Variants in CHST9 observed in about 807,000 individuals in gnomAD.
The protein encoded by CHST9 is GalNAc-4-sulfotransferase 2.
In CHST9, 41 loss-of-function variants were observed where a neutral mutation model predicts 44.4. That is an observed-to-expected ratio of 0.92 (90% CI 0.72 to 1.20). The LOEUF is 1.20. Ranked by LOEUF, CHST9 falls within the 50% of genes most tolerant of loss-of-function variation. CHST9 has a pLI of 0.00. For synonymous variants in CHST9, 171 were observed against 178.4 expected (o/e 0.96, Z 0.33); for missense variants, 504 against 516.5 (o/e 0.98, Z 0.23).
chr18:26,948,109 A>C (rs1480310425), intron 4 of CHST9, among the ~76,000 whole-genome samples: 1 of 152,176 alleles, frequency 6.6e-6, no homozygotes, highest in Non-Finnish European at 1.5e-5. Context: ...GACATGGATG[A>C]AGCTGGAAAC....
At chr18:27,049,078 T>C (rs1168279614) in intron 2 of CHST9, among the ~76,000 whole-genome samples, 2 of 152,048 alleles carry the variant, frequency 1.3e-5, no homozygotes, top group African/African-American at 4.8e-5. Flanking sequence ...ATGGGCTAAA[T>C]GGACAGGGTA....
At chr18:27,143,494 C>T (rs1252317919) in intron 1 of CHST9, among the ~76,000 whole-genome samples, 1 of 152,030 alleles carries the variant, frequency 6.6e-6, no homozygotes, top group African/African-American at 2.4e-5. Context: ...CCTCAGATTA[C>T]AGAAATCTAC....
At chr18:27,130,879 A>G (rs748041164) in intron 2 of CHST9, among the ~76,000 whole-genome samples, 3 of 152,210 alleles carry the variant, frequency 2.0e-5, no homozygotes, top group Non-Finnish European at 4.4e-5. Flanking sequence ...CTTTCACATA[A>G]GGCTACAAAT....
intron 4 of CHST9, among the ~76,000 whole-genome samples, chr18:27,021,321 CACTT>C (rs2057223362): frequency 6.6e-6 from 1 of 152,260 alleles, no homozygotes; most frequent in Non-Finnish European, 1.5e-5. Context: ...ACAAGCCACT[CACTT>C]ACTTGACAAC....
intron 1 of CHST9, 107 bp from the exon 2 acceptor site, chr18:27,143,012 A>G (rs2058581016): frequency 2.4e-6 from 1 of 409,494 alleles, no homozygotes; most frequent in Non-Finnish European, 4.3e-6. Context: ...TAATGTGCAC[A>G]CTAATGCTCT....
At chr18:26,923,377 T>C (rs1327521719) in intron 5 of CHST9, among the ~76,000 whole-genome samples, 2 of 152,236 alleles carry the variant, frequency 1.3e-5, no homozygotes, top group African/African-American at 4.8e-5. Flanking sequence ...TTTAATTTCA[T>C]TAAATGTCAG....
chr18:26,987,711 G>A (rs930814160), intron 4 of CHST9, among the ~76,000 whole-genome samples: 1 of 152,146 alleles, frequency 6.6e-6, no homozygotes, highest in African/African-American at 2.4e-5. Context: ...TAATGGCACT[G>A]GGAAGTGGGG....
chr18:27,157,765 A>G (rs1004381067), intron 1 of CHST9, among the ~76,000 whole-genome samples: 12 of 152,152 alleles, frequency 7.9e-5, no homozygotes, highest in African/African-American at 2.9e-4. Flanking sequence ...GAAATAATAT[A>G]TAACTCTGAA....
chr18:27,008,655 A>G (rs533492941), intron 4 of CHST9, among the ~76,000 whole-genome samples: 31 of 152,250 alleles, frequency 2.0e-4, no homozygotes, highest in African/African-American at 7.2e-4. Context: ...GTGTTAAATG[A>G]GTTCCTTGCG....
At chr18:27,133,847 A>T (rs1411415066) in intron 2 of CHST9, among the ~76,000 whole-genome samples, 1 of 152,202 alleles carries the variant, frequency 6.6e-6, no homozygotes, top group Non-Finnish European at 1.5e-5. Flanking sequence ...AACAGCCGTG[A>T]CATGGGAATA....
intron 2 of CHST9, among the ~76,000 whole-genome samples, chr18:27,073,040 A>T (rs1289923897): frequency 1.3e-5 from 2 of 152,140 alleles, no homozygotes; most frequent in African/African-American, 4.8e-5. Context: ...CGTTGGGCTA[A>T]ATCACCAAGT....
intron 2 of CHST9, among the ~76,000 whole-genome samples, chr18:27,049,203 G>A (rs990216292): frequency 2.0e-5 from 3 of 152,136 alleles, no homozygotes; most frequent in East Asian, 1.9e-4. Flanking sequence ...GAGTGGAGAG[G>A]AGGGAAGTAG....
chr18:26,952,294 T>C (rs1429719242), intron 4 of CHST9: 1 of 521,370 alleles, frequency 1.9e-6, no homozygotes, highest in Non-Finnish European at 3.9e-6. Flanking sequence ...GAAACCTTTA[T>C]TTTACAATCC....
chr18:27,149,451 C>T (rs143519692), intron 1 of CHST9, among the ~76,000 whole-genome samples: 5 of 152,112 alleles, frequency 3.3e-5, no homozygotes, highest in East Asian at 1.9e-4. Context: ...CACTGATGGG[C>T]GTTTAGGTCA....
chr18:27,110,363 A>C (rs1228497943), intron 2 of CHST9, among the ~76,000 whole-genome samples: 1 of 151,872 alleles, frequency 6.6e-6, no homozygotes, highest in African/African-American at 2.4e-5. Flanking sequence ...TTTCTGTATT[A>C]ATCAGGGTAC....
intron 3 of CHST9, among the ~76,000 whole-genome samples, chr18:27,029,456 A>G (rs546410062): frequency 1.6e-4 from 25 of 152,260 alleles, no homozygotes; most frequent in Non-Finnish European, 2.9e-4. Flanking sequence ...CAAGGAACCA[A>G]GGGTGGGATA....
intron 4 of CHST9, among the ~76,000 whole-genome samples, chr18:27,000,622 G>GTCTATCA (rs2056937902): frequency 6.8e-6 from 1 of 147,490 alleles, no homozygotes; most frequent in Non-Finnish European, 1.5e-5. Flanking sequence ...TATTTGTTTT[G>GTCTATCA]TCTATCTATC....
At chr18:27,017,518 C>A (rs1451227177) in intron 4 of CHST9, among the ~76,000 whole-genome samples, 8 of 152,010 alleles carry the variant, frequency 5.3e-5, no homozygotes, top group African/African-American at 1.9e-4. Flanking sequence ...CTGTGTGATT[C>A]CATTTATATT....
intron 2 of CHST9, among the ~76,000 whole-genome samples, chr18:27,105,844 C>T (rs558930200): frequency 3.9e-4 from 60 of 152,080 alleles, no homozygotes; most frequent in South Asian, 6.2e-4. Flanking sequence ...AGGTGATAGT[C>T]TAAATGGACG....
Sources: gnomAD v4.1 joint callset for allele counts (sites outside exome capture counted in the v4.1 genomes callset) on GRCh38, gnomAD v4.1.1 for gene constraint, MANE v1.5 for transcripts, NCBI Gene and HGNC (gene_info 2026-07-23, HGNC 2026-07-21) for gene names.